The following GDAP1 variants were observed in gnomAD, a reference collection of about 807,000 sequenced individuals.
The protein encoded by GDAP1 is ganglioside-induced differentiation-associated protein 1.
GDAP1 carries 34 observed loss-of-function variants against 40.1 expected under a neutral mutation model. The ratio of observed to expected loss-of-function variants is 0.85; its 90% CI spans 0.64 to 1.13. The LOEUF (loss-of-function observed/expected upper bound fraction) is 1.13, where lower values mean the gene tolerates loss of function less well. GDAP1 is among the 50% of genes most tolerant of loss of function. The probability of loss-of-function intolerance (pLI) is 0.00; values close to 1 mark genes in which losing one functional copy is unlikely to be tolerated. For missense variants in GDAP1, 374 were observed against 433.7 expected (o/e 0.86, Z 1.22); for synonymous variants, 170 against 157.4 (o/e 1.08, Z -0.60).
intron 2 of GDAP1, among the ~76,000 whole-genome samples, chr8:74,430,375 G>C (rs2131564496): frequency 6.6e-6 from 1 of 152,256 alleles, no homozygotes; most frequent in South Asian, 2.1e-4. Context: ...CATAAGACTA[G>C]AACCAACTCC....
chr8:74,366,194 A>G lies in GDAP1; in HGVS notation c.*1827A>G. On this transcript the variant is annotated 3_prime_UTR_variant, in exon 6 of 6. Coordinates refer to ENST00000220822, the MANE Select transcript of GDAP1 (RefSeq NM_018972.4). The stretch of plus-strand genomic sequence containing the variant: ...AATTTCCTTGTACAGTTTCTTTGGA[A>G]ATACGTTAAAGATAGTGGCAATTTC... 2.2e-6 allele frequency: 1 copy of G among 454,086 alleles called. No homozygotes were observed. Among genetic ancestry groups the G allele is most frequent in the Non-Finnish European group, 4.4e-6 (1 of 226,726 alleles). The allele number at this position is 454,086 out of a possible 1,614,324, so 28.1% of individuals were successfully genotyped here.
At chr8:74,380,886 A>G (rs1809941742) in intron 2 of GDAP1, among the ~76,000 whole-genome samples, 1 of 152,150 alleles carries the variant, frequency 6.6e-6, no homozygotes, top group African/African-American at 2.4e-5. Flanking sequence ...CTTTTATTTC[A>G]GTGGAGTTAA....
chr8:74,408,217 G>A (rs1393389109), intron 2 of GDAP1, among the ~76,000 whole-genome samples: 2 of 150,060 alleles, frequency 1.3e-5, no homozygotes, highest in Non-Finnish European at 2.9e-5. Context: ...CTTCTCTGAG[G>A]ACGGGCTTTA....
Position 74,408,794 on chromosome 8 carries a change from A to C in GDAP1, c.165+57473A>C, listed in dbSNP as rs1229335199. On this transcript the variant is annotated intron_variant, in intron 2 of 2. Transcript: ENST00000523640. ...CGACTTATTGGTTAATGATGTTTCT[A>C]AGATGAAGGCCATCCTGGACCCCCA... Among the ~76,000 whole-genome samples, 2 of 150,118 alleles carry C rather than the reference A, an allele frequency of 1.3e-5. 1 individual carries two copies.
chr8:74,476,169 A>T (rs988723377), intron 2 of GDAP1, among the ~76,000 whole-genome samples: 1 of 151,998 alleles, frequency 6.6e-6, no homozygotes, highest in African/African-American at 2.4e-5. Context: ...TTTTGAGCCT[A>T]TGTGTGTCAT....
chr8:74,377,315 G>A (rs1018173040), intron 2 of GDAP1, among the ~76,000 whole-genome samples: 35 of 152,112 alleles, frequency 2.3e-4, no homozygotes, highest in South Asian at 8.3e-4. Context: ...ATGTATAGTC[G>A]AAATATATAA....
intron 2 of GDAP1, among the ~76,000 whole-genome samples, chr8:74,434,420 G>A (rs1404842403): frequency 1.3e-5 from 2 of 152,156 alleles, no homozygotes; most frequent in Non-Finnish European, 2.9e-5. Context: ...TAGACCATCA[G>A]TATATACTGA....
chr8:74,393,531 A>G (rs192845170), intron 2 of GDAP1, among the ~76,000 whole-genome samples: 32 of 152,296 alleles, frequency 2.1e-4, no homozygotes, highest in African/African-American at 7.2e-4. Context: ...AAAAATGATA[A>G]TGACTATTTT....
chr8:74,359,993 T>C (rs1171570680), intron 2 of GDAP1, 144 bp from the exon 3 acceptor site: 3 of 697,512 alleles, frequency 4.3e-6, no homozygotes, highest in Admixed American at 4.1e-5. Context: ...TTTGAATGAA[T>C]GTCTGAGGTG....
At chr8:74,363,553 A>G (rs1181261735) in intron 5 of GDAP1, among the ~76,000 whole-genome samples, 3 of 152,236 alleles carry the variant, frequency 2.0e-5, no homozygotes, top group African/African-American at 7.2e-5. Context: ...ACCTGTCACA[A>G]AAGCTCTTCT....
At chr8:74,436,185 T>A (rs1185547753) in intron 2 of GDAP1, among the ~76,000 whole-genome samples, 7 of 152,198 alleles carry the variant, frequency 4.6e-5, no homozygotes, top group Non-Finnish European at 8.8e-5. Flanking sequence ...AGACTCCCAA[T>A]GGCTTTGTCT....
chr8:74,360,108 T>C, intron 2 of GDAP1, 29 bp from the exon 3 acceptor site: 1 of 1,568,742 alleles, frequency 6.4e-7, no homozygotes, highest in Non-Finnish European at 8.8e-7. Context: ...TGTAACTTTT[T>C]CTTCAATATT....
chr8:74,390,573 C>T (rs1438954482), intron 2 of GDAP1, among the ~76,000 whole-genome samples: 5 of 152,174 alleles, frequency 3.3e-5, no homozygotes, highest in African/African-American at 1.2e-4. Flanking sequence ...AGAGGGGCAC[C>T]CGCCAGATGC....
Position 74,351,331 on chromosome 8 carries a change from C to T in GDAP1, c.175C>T (p.Pro59Ser), listed in dbSNP as rs993379518. 3.1e-6 allele frequency: 5 copies of T among 1,613,928 alleles called. No individual in the cohort carries two copies. Among genetic ancestry groups the T allele is most frequent in the East Asian group, 2.2e-5 (1 of 44,902 alleles). Reference sequence around the variant, plus strand: ...GTGCGAGGAACATGATGTAAGTCTGCCCTTGAGTGAGCACAATGAGCCTTG... The same window carrying T: ...GTGCGAGGAACATGATGTAAGTCTGTCCTTGAGTGAGCACAATGAGCCTTG... ...LKCEEHDVSL[P>S]LSEHNEPWFM... Residue 59 changes from proline (P) to serine (S), a missense_variant, in exon 2 of 6, where the codon CCC (proline) becomes TCC (serine). Physicochemically the swap from Pro to Ser is moderately conservative, Grantham distance 74. Transcript: ENST00000220822.
chr8:74,467,291 A>G (rs1806481990), intron 2 of GDAP1, among the ~76,000 whole-genome samples: 1 of 152,176 alleles, frequency 6.6e-6, no homozygotes, highest in Admixed American at 6.5e-5. Context: ...ACTGGAGCTT[A>G]GTGATCATGA....
intron 2 of GDAP1, among the ~76,000 whole-genome samples, chr8:74,460,189 A>G (rs539385242): frequency 6.6e-6 from 1 of 152,358 alleles, no homozygotes; most frequent in Non-Finnish European, 1.5e-5. Context: ...ATTCTGATTA[A>G]TTTCATTCAT....
In GDAP1 at chr8:74,451,324, C is replaced by T. The variant is rs761699491; in HGVS notation, c.166-37354C>T. Among the ~76,000 whole-genome samples the T allele has an allele frequency of 6.2e-5, 5 of 80,968 alleles. 2 individuals carry two copies. Among genetic ancestry groups the T allele is most frequent in the Non-Finnish European group, 1.2e-4 (5 of 40,224 alleles). 53.1% of individuals were successfully genotyped at this position (80,968 alleles called of 152,430 possible). On this transcript the variant is annotated intron_variant, in intron 2 of 2. Coordinates refer to the GDAP1 transcript ENST00000523640. Reference sequence around the variant, plus strand: ...AATTAGCCGGGCATGGTGATGCATGCCTGTAATCCCAGCTACTCAGGAGGC... The same window carrying T: ...AATTAGCCGGGCATGGTGATGCATGTCTGTAATCCCAGCTACTCAGGAGGC...
intron 2 of GDAP1, among the ~76,000 whole-genome samples, chr8:74,423,032 A>C (rs1463894569): frequency 6.8e-6 from 1 of 148,022 alleles, no homozygotes; most frequent in Non-Finnish European, 1.5e-5. Context: ...TATATACTAT[A>C]ATATATATGC....
chr8:74,382,219 C>T (rs1354617247), intron 2 of GDAP1, among the ~76,000 whole-genome samples: 3 of 152,032 alleles, frequency 2.0e-5, no homozygotes, highest in Non-Finnish European at 2.9e-5. Context: ...TTCTTGTGCT[C>T]ATGATATAAT....
Sources: gnomAD v4.1 joint callset for allele counts (sites outside exome capture counted in the v4.1 genomes callset) on GRCh38, gnomAD v4.1.1 for gene constraint, MANE v1.5 for transcripts, NCBI Gene and HGNC (gene_info 2026-07-23, HGNC 2026-07-21) for gene names.